SPIDR: variants seen among roughly 807,000 people sequenced by gnomAD.
SPIDR encodes scaffold protein involved in DNA repair.
Under a neutral mutation model 104.6 loss-of-function variants are expected in SPIDR, and 93 were observed. The ratio of observed to expected loss-of-function variants is 0.89; its 90% CI spans 0.75 to 1.06. SPIDR has a LOEUF of 1.06. Among genes scored for constraint, SPIDR ranks in the 50% least tolerant of loss-of-function variants. The probability of loss-of-function intolerance (pLI) is 0.00; values close to 1 mark genes in which losing one functional copy is unlikely to be tolerated. For missense variants in SPIDR, 1,154 were observed against 1,111.2 expected, an observed-to-expected ratio of 1.04 and a Z score of -0.55; for synonymous variants, 431 against 416.9, an observed-to-expected ratio of 1.03 and a Z score of -0.41.
At chr8:47,422,373 T>C (rs2154335241) in intron 7 of SPIDR, among the ~76,000 whole-genome samples, 1 of 152,306 alleles carries the variant, frequency 6.6e-6, no homozygotes, top group Admixed American at 6.5e-5. Flanking sequence ...GTGCTAGCAA[T>C]GAGCGAGGCT....
intron 1 of SPIDR, among the ~76,000 whole-genome samples, chr8:47,274,140 G>A (rs1290165461): frequency 6.6e-6 from 1 of 152,120 alleles, no homozygotes; most frequent in Non-Finnish European, 1.5e-5. Flanking sequence ...AGTTGTAGGA[G>A]TTCTATGGCA....
chr8:47,490,158 A>G (rs554580194), intron 8 of SPIDR, among the ~76,000 whole-genome samples: 1 of 152,342 alleles, frequency 6.6e-6, no homozygotes, highest in African/African-American at 2.4e-5. Flanking sequence ...ATTTACAGGA[A>G]AAAACAACCC....
chr8:47,702,963 C>T (rs1311298233), intron 14 of SPIDR, among the ~76,000 whole-genome samples: 3 of 152,220 alleles, frequency 2.0e-5, no homozygotes, highest in Non-Finnish European at 4.4e-5. Context: ...CCAGCAACCT[C>T]GGCCAGGTGC....
At chr8:47,687,872 G>A (rs2078022003) in intron 11 of SPIDR, among the ~76,000 whole-genome samples, 1 of 152,158 alleles carries the variant, frequency 6.6e-6, no homozygotes, top group Non-Finnish European at 1.5e-5. Context: ...AGACCAGCCT[G>A]GGCAACATAG....
intron 8 of SPIDR, among the ~76,000 whole-genome samples, chr8:47,575,937 G>A (rs2059064305): frequency 6.6e-6 from 1 of 150,452 alleles, no homozygotes; most frequent in Admixed American, 6.6e-5. Context: ...TCCAGCCTGG[G>A]CGACAGAGCG....
intron 7 of SPIDR, among the ~76,000 whole-genome samples, chr8:47,413,121 G>C (rs2063764602): frequency 6.6e-6 from 1 of 152,202 alleles, no homozygotes; most frequent in African/African-American, 2.4e-5. Context: ...GGTTGTGGTG[G>C]ATGGTGAACT....
chr8:47,733,793 C>T (rs1462599593), intron 19 of SPIDR, among the ~76,000 whole-genome samples: 1 of 152,062 alleles, frequency 6.6e-6, no homozygotes, highest in East Asian at 1.9e-4. Flanking sequence ...CCTCAGAGCC[C>T]TTGGGAAGGC....
At chr8:47,487,927 A>G (rs2077975870) in intron 8 of SPIDR, among the ~76,000 whole-genome samples, 1 of 152,226 alleles carries the variant, frequency 6.6e-6, no homozygotes, top group Non-Finnish European at 1.5e-5. Context: ...TTGACACCCT[A>G]ACATCACAAT....
chr8:47,320,936 T>C (rs1177265424), intron 5 of SPIDR, among the ~76,000 whole-genome samples: 2 of 152,186 alleles, frequency 1.3e-5, no homozygotes, highest in Admixed American at 6.5e-5. Context: ...TAGGTATTGA[T>C]GGGACGTATC....
intron 8 of SPIDR, among the ~76,000 whole-genome samples, chr8:47,491,450 A>T (rs782210405): frequency 6.6e-6 from 1 of 152,050 alleles, no homozygotes; most frequent in Non-Finnish European, 1.5e-5. Flanking sequence ...TAATAATATC[A>T]GTAGCCACAG....
At chr8:47,531,870 GAAGAAAAA>G (rs2086060633) in intron 8 of SPIDR, among the ~76,000 whole-genome samples, 4 of 151,726 alleles carry the variant, frequency 2.6e-5, no homozygotes, top group Non-Finnish European at 5.9e-5. Flanking sequence ...TACATTAAGA[GAAGAAAAA>G]AATAGAATCA....
At chr8:47,675,059 A>G (rs1343782734) in intron 11 of SPIDR, among the ~76,000 whole-genome samples, 4 of 152,140 alleles carry the variant, frequency 2.6e-5, no homozygotes, top group Non-Finnish European at 4.4e-5. Context: ...TTTTTGAGAC[A>G]GAGTTTCGCT....
intron 8 of SPIDR, among the ~76,000 whole-genome samples, chr8:47,499,183 A>C (rs973841065): frequency 6.6e-6 from 1 of 152,198 alleles, no homozygotes; most frequent in Admixed American, 6.5e-5. Flanking sequence ...CTAAGCAGAG[A>C]AAATATGAAG....
At chr8:47,481,333 C>G (rs2076878516) in intron 8 of SPIDR, among the ~76,000 whole-genome samples, 1 of 152,156 alleles carries the variant, frequency 6.6e-6, no homozygotes, top group Non-Finnish European at 1.5e-5. Context: ...TAATGCAGCT[C>G]TAAGTTCCAA....
At chr8:47,292,752 C>A (rs1486591728) in intron 4 of SPIDR, among the ~76,000 whole-genome samples, 2 of 151,954 alleles carry the variant, frequency 1.3e-5, no homozygotes, top group Non-Finnish European at 2.9e-5. Context: ...CATCACATTG[C>A]AATATGTATT....
At chr8:47,465,812 A>G (rs1205564913) in intron 8 of SPIDR, among the ~76,000 whole-genome samples, 2 of 152,214 alleles carry the variant, frequency 1.3e-5, no homozygotes, top group African/African-American at 2.4e-5. Context: ...CATAGGCTCA[A>G]AATAAAGGGA....
intron 8 of SPIDR, among the ~76,000 whole-genome samples, chr8:47,557,601 C>G (rs1247403198): frequency 6.6e-6 from 1 of 152,120 alleles, no homozygotes; most frequent in African/African-American, 2.4e-5. Flanking sequence ...TGTGAATAAC[C>G]TGGAGGGCAA....
At chr8:47,544,664 T>G (rs541326258) in intron 8 of SPIDR, among the ~76,000 whole-genome samples, 2 of 152,362 alleles carry the variant, frequency 1.3e-5, no homozygotes, top group East Asian at 3.9e-4. Context: ...TAGATCTATT[T>G]CTGGGTGTTC....
chr8:47,440,582 A>G, intron 8 of SPIDR, 40 bp downstream of exon 8: 2 of 1,564,090 alleles, frequency 1.3e-6, no homozygotes, highest in Non-Finnish European at 1.7e-6. Flanking sequence ...ACCAACTGTG[A>G]GTCAGCCTCG....
Sources: gnomAD v4.1 joint callset for allele counts (sites outside exome capture counted in the v4.1 genomes callset) on GRCh38, gnomAD v4.1.1 for gene constraint, MANE v1.5 for transcripts, NCBI Gene and HGNC (gene_info 2026-07-23, HGNC 2026-07-21) for gene names.